Variants in KALRN observed in about 807,000 individuals in gnomAD.
KALRN encodes kalirin RhoGEF kinase.
Under a neutral mutation model 353.7 loss-of-function variants are expected in KALRN, and 70 were observed. The observed-to-expected ratio is 0.20, with a 90% confidence interval of 0.16 to 0.24. The LOEUF is 0.24. KALRN is among the 10% of genes least tolerant of loss of function. The pLI, the probability that KALRN is intolerant of heterozygous loss-of-function variation, is 1.00. For missense variants in KALRN, 2,791 were observed against 3,756.7 expected, an observed-to-expected ratio of 0.74 and a Z score of 6.72; for synonymous variants, 1,391 against 1,434.8, an observed-to-expected ratio of 0.97 and a Z score of 0.69.
At chr3:124,122,924 C>T (rs915102368) in intron 1 of KALRN, among the ~76,000 whole-genome samples, 3 of 152,104 alleles carry the variant, frequency 2.0e-5, no homozygotes, top group Non-Finnish European at 4.4e-5. Flanking sequence ...AGATAGCAGC[C>T]GGGCACAGTG....
chr3:124,705,115 A>G (rs140803997), intron 57 of KALRN, among the ~76,000 whole-genome samples: 5 of 152,316 alleles, frequency 3.3e-5, no homozygotes, highest in African/African-American at 1.2e-4. Context: ...ACAATGCAGT[A>G]TAGAGAAGGC....
chr3:124,110,760 A>G (rs2062884601), intron 1 of KALRN, among the ~76,000 whole-genome samples: 1 of 152,174 alleles, frequency 6.6e-6, no homozygotes, highest in African/African-American at 2.4e-5. Context: ...TCAGGTTTGC[A>G]TTAACAGCTA....
chr3:124,155,835 C>T (rs2068902089), intron 1 of KALRN, among the ~76,000 whole-genome samples: 1 of 152,192 alleles, frequency 6.6e-6, no homozygotes, highest in African/African-American at 2.4e-5. Flanking sequence ...TCACATCTCC[C>T]TCAGCTGAGT....
At chr3:124,428,562 C>G (rs2093131983) in intron 15 of KALRN, among the ~76,000 whole-genome samples, 1 of 152,126 alleles carries the variant, frequency 6.6e-6, no homozygotes, top group Admixed American at 6.5e-5. Flanking sequence ...GTTCTATGTC[C>G]AGGACTGACT....
At chr3:124,626,014 G>T (rs1259539264) in intron 34 of KALRN, among the ~76,000 whole-genome samples, 1 of 152,130 alleles carries the variant, frequency 6.6e-6, no homozygotes, top group Non-Finnish European at 1.5e-5. Flanking sequence ...TTGGGAGGCA[G>T]AGGTTGCAGT....
rs114118714 is a variant in KALRN, at chr3:124,241,057, A to G, written c.263+6114A>G. The stretch of plus-strand genomic sequence containing the variant: ...TAAAGGTTATGAAGCACAATAATAA[A>G]GCGAGCACTTGAGAGCCTACCCTCC... On this transcript the variant is annotated intron_variant, in intron 3 of 59. Transcript: ENST00000682506. Among the ~76,000 whole-genome samples, 426 of 152,288 alleles carry G rather than the reference A, an allele frequency of 2.8e-3. 3 individuals carry two copies. The Middle Eastern group carries it at 0.031, about 11-fold the overall frequency.
intron 33 of KALRN, among the ~76,000 whole-genome samples, chr3:124,529,070 T>C (rs954307040): frequency 2.1e-5 from 3 of 141,280 alleles, no homozygotes; most frequent in African/African-American, 7.9e-5. Context: ...AGAATCAGTA[T>C]AGTTTTATAA....
chr3:124,573,460 G>T (rs2073767417), intron 34 of KALRN, among the ~76,000 whole-genome samples: 1 of 152,012 alleles, frequency 6.6e-6, no homozygotes, highest in Non-Finnish European at 1.5e-5. Flanking sequence ...CCCCAGGATT[G>T]TTCAAGGGGT....
At chr3:124,696,395 C>T (rs1405940565) in intron 54 of KALRN, 140 bp downstream of exon 54, 26 of 621,916 alleles carry the variant, frequency 4.2e-5, no homozygotes, top group South Asian at 2.4e-4. Flanking sequence ...CTCAGCCTCC[C>T]GATTAGCTGG....
At chr3:124,331,745 G>T (rs2080585044) in intron 8 of KALRN, among the ~76,000 whole-genome samples, 1 of 152,162 alleles carries the variant, frequency 6.6e-6, no homozygotes, top group Non-Finnish European at 1.5e-5. Flanking sequence ...ACATATGTGA[G>T]GTGTGGGTGT....
At chr3:124,579,120 G>A (rs2074401151) in intron 34 of KALRN, among the ~76,000 whole-genome samples, 1 of 152,218 alleles carries the variant, frequency 6.6e-6, no homozygotes, top group Non-Finnish European at 1.5e-5. Context: ...AATGGCATAT[G>A]TCTGTTAGTG....
At chr3:124,667,755 A>G (rs1489146990) in intron 47 of KALRN, among the ~76,000 whole-genome samples, 2 of 152,206 alleles carry the variant, frequency 1.3e-5, no homozygotes, top group African/African-American at 4.8e-5. Context: ...CAGAGGGTGT[A>G]GCTCTTTGTG....
intron 19 of KALRN, 65 bp downstream of exon 19, chr3:124,442,124 G>C: frequency 1.1e-6 from 1 of 916,840 alleles, no homozygotes; most frequent in East Asian, 2.9e-5. Context: ...AATATACCAT[G>C]TACCCAGTTT....
chr3:124,593,184 A>G (rs2075972275), intron 34 of KALRN, among the ~76,000 whole-genome samples: 1 of 152,186 alleles, frequency 6.6e-6, no homozygotes, highest in South Asian at 2.1e-4. Flanking sequence ...ATCTTTTCCC[A>G]TTCAAAGGGG....
At chr3:124,280,507 G>A (rs906345770) in intron 5 of KALRN, among the ~76,000 whole-genome samples, 1 of 152,272 alleles carries the variant, frequency 6.6e-6, no homozygotes, top group Non-Finnish European at 1.5e-5. Flanking sequence ...TTCGTTTGAC[G>A]TGGGCTCTAA....
intron 1 of KALRN, among the ~76,000 whole-genome samples, chr3:124,170,776 C>T (rs2071644696): frequency 1.5e-5 from 2 of 137,426 alleles, no homozygotes; most frequent in Admixed American, 1.5e-4. Context: ...AGGGCACAAA[C>T]AACATGAGCT....
chr3:124,251,585 G>C (rs578048421), intron 3 of KALRN, among the ~76,000 whole-genome samples: 1 of 152,094 alleles, frequency 6.6e-6, no homozygotes, highest in Non-Finnish European at 1.5e-5. Flanking sequence ...TGCCCAGGCT[G>C]GTCTCGAACC....
At chr3:124,612,600 G>T (rs1338503593) in intron 34 of KALRN, among the ~76,000 whole-genome samples, 1 of 152,190 alleles carries the variant, frequency 6.6e-6, no homozygotes, top group African/African-American at 2.4e-5. Flanking sequence ...TCCTACCAAA[G>T]TGCTGGGATT....
intron 1 of KALRN, among the ~76,000 whole-genome samples, chr3:124,093,483 C>A (rs1266106978): frequency 6.6e-6 from 1 of 152,252 alleles, no homozygotes; most frequent in Non-Finnish European, 1.5e-5. Context: ...ACCTGGGTCA[C>A]AGGCTGGCCC....
Sources: allele counts gnomAD v4.1 joint callset (sites outside exome capture counted in the v4.1 genomes callset), GRCh38; gene constraint gnomAD v4.1.1; transcripts MANE v1.5; gene names NCBI Gene and HGNC (gene_info 2026-07-23, HGNC 2026-07-21).